ERBB4: variants seen among roughly 807,000 people sequenced by gnomAD.
ERBB4 encodes the protein receptor tyrosine-protein kinase erbB-4.
In ERBB4, 42 loss-of-function variants were observed where a neutral mutation model predicts 158.0. The ratio of observed to expected loss-of-function variants is 0.27; its 90% CI spans 0.21 to 0.34. The LOEUF (loss-of-function observed/expected upper bound fraction) is 0.34, where lower values mean the gene tolerates loss of function less well. Ranked by LOEUF, ERBB4 falls within the 10% of genes least tolerant of loss-of-function variation. The pLI is 1.00. For missense variants in ERBB4, 1,333 were observed against 1,624.1 expected, an observed-to-expected ratio of 0.82 and a Z score of 3.08; for synonymous variants, 583 against 558.7, an observed-to-expected ratio of 1.04 and a Z score of -0.61.
chr2:212,468,007 G>T (rs1004257597), intron 1 of ERBB4, among the ~76,000 whole-genome samples: 3 of 152,170 alleles, frequency 2.0e-5, no homozygotes, highest in Admixed American at 6.5e-5. Context: ...TGCCCTGCTG[G>T]ATTCTGGATA....
intron 1 of ERBB4, among the ~76,000 whole-genome samples, chr2:212,316,241 A>G (rs909609373): frequency 2.0e-4 from 31 of 151,378 alleles, no homozygotes; most frequent in African/African-American, 7.3e-4. Context: ...TTGGAGTAGT[A>G]TGGTGCACTG....
At chr2:212,165,249 T>G (rs562713095) in intron 1 of ERBB4, among the ~76,000 whole-genome samples, 1 of 152,072 alleles carries the variant, frequency 6.6e-6, no homozygotes, top group African/African-American at 2.4e-5. Flanking sequence ...ACTTAGAGTT[T>G]TTGGTATCTT....
chr2:211,609,084 A>G (rs369131732), intron 19 of ERBB4, among the ~76,000 whole-genome samples: 2 of 152,216 alleles, frequency 1.3e-5, no homozygotes, highest in East Asian at 3.9e-4. Flanking sequence ...CAAGAAGCAA[A>G]GGTTTTTCTC....
At chr2:212,215,585 T>A (rs2083074155) in intron 1 of ERBB4, among the ~76,000 whole-genome samples, 1 of 150,674 alleles carries the variant, frequency 6.6e-6, no homozygotes, top group South Asian at 2.1e-4. Context: ...TCACAAAACT[T>A]AGTTTTTGTG....
intron 25 of ERBB4, among the ~76,000 whole-genome samples, chr2:211,395,839 C>A (rs760457522): frequency 1.3e-5 from 2 of 152,132 alleles, no homozygotes; most frequent in South Asian, 4.1e-4. Flanking sequence ...TATACACATA[C>A]ATGCTTATTG....
At chr2:211,504,297 TACAA>T (rs563044623) in intron 20 of ERBB4, among the ~76,000 whole-genome samples, 57 of 152,046 alleles carry the variant, frequency 3.7e-4, no homozygotes, top group Non-Finnish European at 6.3e-4. Flanking sequence ...TACTAAAACC[TACAA>T]ACAATGAGCA....
intron 1 of ERBB4, among the ~76,000 whole-genome samples, chr2:212,525,540 G>A (rs1439338341): frequency 6.6e-6 from 1 of 151,924 alleles, no homozygotes; most frequent in Non-Finnish European, 1.5e-5. Flanking sequence ...ACAATTCACT[G>A]TGCTACAAAA....
At chr2:211,790,093 G>A (rs1365496193) in intron 3 of ERBB4, among the ~76,000 whole-genome samples, 2 of 152,010 alleles carry the variant, frequency 1.3e-5, no homozygotes, top group Admixed American at 6.6e-5. Flanking sequence ...GAAGGGAGAC[G>A]TAAGACGTAA....
chr2:212,006,126 G>C (rs1353142286), intron 2 of ERBB4, among the ~76,000 whole-genome samples: 1 of 152,136 alleles, frequency 6.6e-6, no homozygotes, highest in African/African-American at 2.4e-5. Context: ...AATGCATCAA[G>C]TGAATTTTAT....
chr2:211,567,769 A>G (rs2067593841), intron 19 of ERBB4, among the ~76,000 whole-genome samples: 1 of 151,440 alleles, frequency 6.6e-6, no homozygotes, highest in African/African-American at 2.4e-5. Flanking sequence ...AACGAACAAG[A>G]CACTAATTGT....
chr2:211,696,060 T>G, intron 12 of ERBB4, among the ~76,000 whole-genome samples: 1 of 92,456 alleles, frequency 1.1e-5, no homozygotes, highest in African/African-American at 4.5e-5. Context: ...CCCCCCTCCC[T>G]CCCTCCCTCC....
chr2:212,366,542 C>T (rs1253467583), intron 1 of ERBB4, among the ~76,000 whole-genome samples: 1 of 151,838 alleles, frequency 6.6e-6, no homozygotes. Flanking sequence ...CCACACTGTC[C>T]AGCTATTGGA....
chr2:211,563,103 G>T (rs181847829), intron 19 of ERBB4, among the ~76,000 whole-genome samples: 1 of 152,098 alleles, frequency 6.6e-6, no homozygotes, highest in African/African-American at 2.4e-5. Flanking sequence ...AATCATAAAG[G>T]CACCACTGCT....
At chr2:212,083,108 T>C (rs920342247) in intron 2 of ERBB4, among the ~76,000 whole-genome samples, 1 of 151,970 alleles carries the variant, frequency 6.6e-6, no homozygotes. Context: ...AAAAGGCCCA[T>C]GAATAATAAA....
At chr2:211,931,414 T>A (rs1367575346) in intron 3 of ERBB4, among the ~76,000 whole-genome samples, 1 of 152,018 alleles carries the variant, frequency 6.6e-6, no homozygotes, top group South Asian at 2.1e-4. Context: ...TTGCATTTTT[T>A]AATTAAATGC....
At chr2:211,497,470 T>C (rs2065498038) in intron 20 of ERBB4, among the ~76,000 whole-genome samples, 2 of 151,426 alleles carry the variant, frequency 1.3e-5, no homozygotes, top group South Asian at 2.1e-4. Context: ...TATCTACTTG[T>C]ACTGGCAACC....
At chr2:211,509,306 C>T (rs1231344189) in intron 20 of ERBB4, among the ~76,000 whole-genome samples, 1 of 152,112 alleles carries the variant, frequency 6.6e-6, no homozygotes, top group Non-Finnish European at 1.5e-5. Flanking sequence ...ACTTACATAA[C>T]AAACCTGCAC....
chr2:212,526,681 A>C (rs922961045), intron 1 of ERBB4, among the ~76,000 whole-genome samples: 1 of 152,082 alleles, frequency 6.6e-6, no homozygotes, highest in Non-Finnish European at 1.5e-5. Flanking sequence ...ATTACCAAAG[A>C]TCTACACTCT....
intron 5 of ERBB4, among the ~76,000 whole-genome samples, chr2:211,737,029 A>G (rs1222044344): frequency 1.3e-5 from 2 of 152,156 alleles, no homozygotes; most frequent in African/African-American, 4.8e-5. Flanking sequence ...ATTTGTTGTT[A>G]CTTACTTTCT....
Sources: allele counts gnomAD v4.1 joint callset (sites outside exome capture counted in the v4.1 genomes callset), GRCh38; gene constraint gnomAD v4.1.1; transcripts MANE v1.5; gene names NCBI Gene and HGNC (gene_info 2026-07-23, HGNC 2026-07-21).